SEMA5A: variants seen among roughly 807,000 people sequenced by gnomAD.
The protein encoded by SEMA5A is semaphorin 5A.
SEMA5A carries 55 observed loss-of-function variants against 135.5 expected under a neutral mutation model. The ratio of observed to expected loss-of-function variants is 0.41; its 90% CI spans 0.33 to 0.51. The LOEUF is 0.51. SEMA5A is among the 20% of genes least tolerant of loss of function. The probability of loss-of-function intolerance (pLI) is 0.37; values close to 1 mark genes in which losing one functional copy is unlikely to be tolerated. For synonymous variants in SEMA5A, 580 were observed against 546.5 expected, an observed-to-expected ratio of 1.06 and a Z score of -0.85; for missense variants, 1,290 against 1,419.9, an observed-to-expected ratio of 0.91 and a Z score of 1.47.
chr5:9,067,932 T>C (rs979234779), intron 16 of SEMA5A, among the ~76,000 whole-genome samples: 2 of 152,200 alleles, frequency 1.3e-5, no homozygotes, highest in Non-Finnish European at 2.9e-5. Flanking sequence ...TCTTCTCTAC[T>C]ACATTTTAAA....
chr5:9,478,954 G>A (rs776081350), intron 1 of SEMA5A, among the ~76,000 whole-genome samples: 2 of 152,202 alleles, frequency 1.3e-5, no homozygotes, highest in Non-Finnish European at 2.9e-5. Flanking sequence ...CACATGTTGA[G>A]GGAGGAACCT....
intron 1 of SEMA5A, among the ~76,000 whole-genome samples, chr5:9,443,785 CA>C (rs1320746038): frequency 1.3e-5 from 2 of 152,262 alleles, no homozygotes; most frequent in African/African-American, 4.8e-5. Flanking sequence ...CATTCCCTTC[CA>C]CTGGCAGAAC....
intron 1 of SEMA5A, among the ~76,000 whole-genome samples, chr5:9,452,631 A>G (rs1758687908): frequency 6.6e-6 from 1 of 152,214 alleles, no homozygotes; most frequent in Non-Finnish European, 1.5e-5. Flanking sequence ...AATCCAGACC[A>G]AACAAAACTT....
intron 1 of SEMA5A, among the ~76,000 whole-genome samples, chr5:9,489,596 T>C (rs1734902343): frequency 1.3e-5 from 2 of 152,168 alleles, no homozygotes; most frequent in Admixed American, 1.3e-4. Flanking sequence ...AGAAAACCAC[T>C]CTTCAAATAG....
At chr5:9,345,850 G>A (rs1468201299) in intron 3 of SEMA5A, among the ~76,000 whole-genome samples, 1 of 152,052 alleles carries the variant, frequency 6.6e-6, no homozygotes, top group Admixed American at 6.5e-5. Context: ...CATATTTTGT[G>A]TATATGTATG....
chr5:9,251,990 AG>A (rs1748819522), intron 5 of SEMA5A, among the ~76,000 whole-genome samples: 1 of 152,206 alleles, frequency 6.6e-6, no homozygotes, highest in Non-Finnish European at 1.5e-5. Context: ...TTATGAAGTC[AG>A]GCCACCCTGG....
intron 21 of SEMA5A, among the ~76,000 whole-genome samples, chr5:9,049,460 C>T (rs1341018888): frequency 2.0e-5 from 3 of 152,180 alleles, no homozygotes; most frequent in Non-Finnish European, 4.4e-5. Context: ...CCACTATGCC[C>T]AGCCAGTAAG....
In SEMA5A at chr5:9,409,883, T is replaced by A. The variant is rs565288275; in HGVS notation, c.-78+27873A>T. On this transcript the variant is annotated intron_variant, in intron 2 of 22. Coordinates refer to ENST00000382496, the MANE Select transcript of SEMA5A (RefSeq NM_003966.3). ...AAACTCTGTGGTTTTAACAAACACA[T>A]AACAATGCCCCCACCCCCACCGTTC... Among the ~76,000 whole-genome samples the A allele has an allele frequency of 1.4e-3, 150 of 105,896 alleles. 1 individual carries two copies. Among genetic ancestry groups the A allele is most frequent in the Middle Eastern group, 9.0e-3 (2 of 222 alleles). The allele number at this position is 105,896 out of a possible 152,430, so 69.5% of individuals were successfully genotyped here. A position where few individuals can be genotyped will look rare whatever the true frequency, so the allele number is the denominator to read the frequency against.
chr5:9,506,099 A>C lies in SEMA5A; in HGVS notation c.-175+39485T>G, dbSNP rs142262620. 2.9e-3 allele frequency among the ~76,000 whole-genome samples: 444 copies of C among 152,356 alleles called. 2 individuals carry two copies. The highest frequency in any genetic ancestry group is 0.024 in the Middle Eastern group (7 of 294). ...TATTGATAAAAGAATAGAAAGGATT[A>C]GATAATTTAGGCTTCTTTTTAGAAT... is the stretch of plus-strand genomic sequence containing the variant. On this transcript the variant is annotated intron_variant, in intron 1 of 22. Coordinates refer to ENST00000382496, the MANE Select transcript of SEMA5A (RefSeq NM_003966.3).
At chr5:9,405,473 G>A (rs1226615705) in intron 2 of SEMA5A, among the ~76,000 whole-genome samples, 1 of 152,182 alleles carries the variant, frequency 6.6e-6, no homozygotes, top group Non-Finnish European at 1.5e-5. Flanking sequence ...ACTGAATGAT[G>A]TATAATCAAA....
rs1201932047 is a variant in SEMA5A, at chr5:9,037,104, G to A, written c.*5793C>T. On this transcript the variant is annotated 3_prime_UTR_variant, in exon 23 of 23. Coordinates refer to ENST00000382496, the MANE Select transcript of SEMA5A (RefSeq NM_003966.3). ...ATTTTAGAGCAAATATGAAGGGGTG[G>A]AATAAATTTTCTTGCTTGATTGACA... is the stretch of plus-strand genomic sequence containing the variant. 1 of 152,154 alleles carries A rather than the reference G, an allele frequency of 6.6e-6. No individual in the cohort carries two copies. Among genetic ancestry groups the A allele is most frequent in the Non-Finnish European group, 1.5e-5 (1 of 68,020 alleles). The allele number at this position is 152,154 out of a possible 1,614,324, so 9.4% of individuals were successfully genotyped here. A position where few individuals can be genotyped will look rare whatever the true frequency, so the allele number is the denominator to read the frequency against.
At chr5:9,429,483 T>C (rs181953088) in intron 2 of SEMA5A, among the ~76,000 whole-genome samples, 1 of 152,148 alleles carries the variant, frequency 6.6e-6, no homozygotes, top group African/African-American at 2.4e-5. Context: ...GGGGCAGAAG[T>C]TATGTAAAAT....
intron 1 of SEMA5A, among the ~76,000 whole-genome samples, chr5:9,495,242 T>C (rs951409087): frequency 2.0e-5 from 3 of 152,168 alleles, no homozygotes; most frequent in Admixed American, 2.0e-4. Context: ...AAACCACCAA[T>C]ACTAGGAGTC....
intron 5 of SEMA5A, among the ~76,000 whole-genome samples, chr5:9,276,783 C>A (rs956396052): frequency 4.1e-4 from 62 of 152,120 alleles, no homozygotes; most frequent in African/African-American, 1.4e-3. Flanking sequence ...AACTGGATCC[C>A]TTCCTTACAC....
chr5:9,413,309 G>A (rs899353351), intron 2 of SEMA5A, among the ~76,000 whole-genome samples: 1 of 152,130 alleles, frequency 6.6e-6, no homozygotes, highest in South Asian at 2.1e-4. Context: ...AGATATATAT[G>A]GCATTAATCA....
At chr5:9,253,393 T>C (rs1484749378) in intron 5 of SEMA5A, among the ~76,000 whole-genome samples, 1 of 152,188 alleles carries the variant, frequency 6.6e-6, no homozygotes, top group Non-Finnish European at 1.5e-5. Flanking sequence ...CTTAGGATTA[T>C]TGTAGCTGTG....
At chr5:9,229,499 A>G (rs1039333423) in intron 6 of SEMA5A, among the ~76,000 whole-genome samples, 1 of 152,188 alleles carries the variant, frequency 6.6e-6, no homozygotes, top group African/African-American at 2.4e-5. Flanking sequence ...TGAGGATAAA[A>G]GAAGGAAGCC....
intron 1 of SEMA5A, among the ~76,000 whole-genome samples, chr5:9,456,437 T>G (rs1758837781): frequency 6.6e-6 from 1 of 150,948 alleles, no homozygotes; most frequent in Non-Finnish European, 1.5e-5. Context: ...AACTCTAACC[T>G]TCAAGGGATT....
At chr5:9,382,341 G>A (rs986857914) in intron 2 of SEMA5A, among the ~76,000 whole-genome samples, 1 of 151,608 alleles carries the variant, frequency 6.6e-6, no homozygotes, top group Non-Finnish European at 1.5e-5. Flanking sequence ...AAAGAGAGAG[G>A]AACTGGAAGA....
Sources: gnomAD v4.1 joint callset for allele counts (sites outside exome capture counted in the v4.1 genomes callset) on GRCh38, gnomAD v4.1.1 for gene constraint, MANE v1.5 for transcripts, NCBI Gene and HGNC (gene_info 2026-07-23, HGNC 2026-07-21) for gene names.